EIF5B: variants seen among roughly 807,000 people sequenced by gnomAD.
EIF5B encodes eIF-5B.
Under a neutral mutation model 147.5 loss-of-function variants are expected in EIF5B, and 47 were observed. That is an observed-to-expected ratio of 0.32 (90% CI 0.25 to 0.41). The LOEUF (loss-of-function observed/expected upper bound fraction) is 0.41, where lower values mean the gene tolerates loss of function less well. Among genes scored for constraint, EIF5B ranks in the 10% least tolerant of loss-of-function variants. EIF5B has a pLI of 1.00. For missense variants in EIF5B, 1,064 were observed against 1,413.2 expected, an observed-to-expected ratio of 0.75 and a Z score of 3.96; for synonymous variants, 455 against 456.2, an observed-to-expected ratio of 1.00 and a Z score of 0.03.
chr2:99,396,745 C>A lies in EIF5B; in HGVS notation c.3255-15C>A. On this transcript the variant is annotated splice_polypyrimidine_tract_variant and intron_variant, in intron 21 of 23. Coordinates refer to ENST00000289371, the MANE Select transcript of EIF5B (RefSeq NM_015904.4). ...GATTCTGTAAGCTTAAAATTCTTTT[C>A]TTTTTTCCTTTCAGGCACATAGCAG... 6.3e-7 allele frequency: 1 copy of A among 1,579,262 alleles called. No homozygotes were observed. Among genetic ancestry groups the A allele is most frequent in the Non-Finnish European group, 8.5e-7 (1 of 1,169,746 alleles).
At chr2:99,399,281 C>T in intron 23 of EIF5B, 26 bp from the exon 24 acceptor site, 5 of 1,607,520 alleles carry the variant, frequency 3.1e-6, no homozygotes, top group Non-Finnish European at 4.3e-6. Context: ...GTTCTGTTTA[C>T]CCTGTTTGTG....
chr2:99,395,484 C>T (rs570696697), intron 21 of EIF5B, among the ~76,000 whole-genome samples: 82 of 152,346 alleles, frequency 5.4e-4, no homozygotes, highest in African/African-American at 1.8e-3. Context: ...CAGGCTCACA[C>T]CACTATGCCT....
At position 99,360,670 on chromosome 2, in the gene EIF5B, T is replaced by C. The variant is rs1674190321; in HGVS notation, c.246+121T>C. ...GTGTACAATATGTTATTTAAAAGCTTCTATGAAATCTGATGTCAAAGGGAA... is the reference window on the plus strand; with the variant it reads ...GTGTACAATATGTTATTTAAAAGCTCCTATGAAATCTGATGTCAAAGGGAA... On this transcript the variant is annotated intron_variant, in intron 3 of 23. Transcript: ENST00000289371. 3 of 837,320 alleles carry C rather than the reference T, an allele frequency of 3.6e-6. No individual in the cohort carries two copies. The East Asian group carries it at 8.7e-5, about 24-fold the overall frequency. 51.9% of individuals were successfully genotyped at this position (837,320 alleles called of 1,614,324 possible). A position where few individuals can be genotyped will look rare whatever the true frequency, so the allele number is the denominator to read the frequency against.
intron 17 of EIF5B, among the ~76,000 whole-genome samples, chr2:99,392,641 A>G (rs1674961452): frequency 6.6e-6 from 1 of 152,012 alleles, no homozygotes; most frequent in Admixed American, 6.6e-5. Context: ...TTTATTGGCC[A>G]TTTATTTCCT....
At chr2:99,354,531 ACTT>A (rs1674050509) in intron 1 of EIF5B, among the ~76,000 whole-genome samples, 1 of 151,946 alleles carries the variant, frequency 6.6e-6, no homozygotes, top group African/African-American at 2.4e-5. Flanking sequence ...GATGAGTTCC[ACTT>A]CTTTTGGATT....
chr2:99,396,297 G>A lies in EIF5B; in HGVS notation c.3255-463G>A, dbSNP rs577834747. Among the ~76,000 whole-genome samples, 56 of 152,312 alleles carry A rather than the reference G, an allele frequency of 3.7e-4. No homozygotes were observed. The Middle Eastern group carries it at 0.01, about 28-fold the overall frequency. On this transcript the variant is annotated intron_variant, in intron 21 of 23. Transcript: ENST00000289371. The stretch of plus-strand genomic sequence containing the variant: ...TATGTAGTGGCCTTTTGGATCAATG[G>A]TTTGGGAACGTGGTGGAGAAAAGGA...
rs955603646 is a variant in EIF5B, at chr2:99,399,693, C to T, written c.*279C>T. On this transcript the variant is annotated 3_prime_UTR_variant, in exon 24 of 24. Transcript: ENST00000289371. ...CTTGGCTGCTGTTTTAAAGTTTGCC[C>T]TTCCCCAAATTTGGATTTTTATTAC... The T allele has an allele frequency of 6.1e-6, 2 of 329,340 alleles. No individual in the cohort carries two copies. Among genetic ancestry groups the T allele is most frequent in the Non-Finnish European group, 1.2e-5 (2 of 172,984 alleles). The allele number at this position is 329,340 out of a possible 1,614,324, so 20.4% of individuals were successfully genotyped here.
At chr2:99,369,276 A>G (rs1674391678) in intron 7 of EIF5B, 116 bp from the exon 8 acceptor site, 2 of 696,410 alleles carry the variant, frequency 2.9e-6, no homozygotes, top group Admixed American at 3.7e-5. Flanking sequence ...TCCATTTCAA[A>G]AAAATAAAAA....
At chr2:99,361,866 A>T in intron 4 of EIF5B, 46 bp downstream of exon 4, 2 of 1,476,290 alleles carry the variant, frequency 1.4e-6, no homozygotes, top group Non-Finnish European at 1.8e-6. Flanking sequence ...TTTGATTCAC[A>T]GTATAAGTTG....
At chr2:99,355,439 C>G (rs1350088709) in intron 1 of EIF5B, among the ~76,000 whole-genome samples, 1 of 151,896 alleles carries the variant, frequency 6.6e-6, no homozygotes, top group Non-Finnish European at 1.5e-5. Context: ...CATGTCTCTT[C>G]ACGTAGTCAA....
At chr2:99,374,212 C>G (rs907950216) in intron 9 of EIF5B, among the ~76,000 whole-genome samples, 1 of 151,528 alleles carries the variant, frequency 6.6e-6, no homozygotes, top group African/African-American at 2.4e-5. Context: ...TCGCTTCACC[C>G]TGGGAAGCAG....
chr2:99,394,423 A>G, intron 19 of EIF5B, 25 bp downstream of exon 19: 1 of 1,613,548 alleles, frequency 6.2e-7, no homozygotes, highest in Non-Finnish European at 8.5e-7. Flanking sequence ...CTCGCTCCAC[A>G]AGTGAATGGT....
intron 4 of EIF5B, among the ~76,000 whole-genome samples, chr2:99,362,887 T>C (rs1298846829): frequency 6.6e-6 from 1 of 151,588 alleles, no homozygotes; most frequent in Admixed American, 6.6e-5. Context: ...GCCTCCCAAG[T>C]AGCTGGGATT....
chr2:99,387,860 A>G (rs906386583), intron 14 of EIF5B, among the ~76,000 whole-genome samples: 5 of 152,198 alleles, frequency 3.3e-5, no homozygotes, highest in Non-Finnish European at 7.3e-5. Context: ...TTTTTTAAAT[A>G]GAGACGAGGT....
chr2:99,361,120 AT>A, intron 3 of EIF5B, 27 bp from the exon 4 acceptor site: 1 of 1,469,710 alleles, frequency 6.8e-7, no homozygotes, highest in South Asian at 1.5e-5. Flanking sequence ...AATTCTGTTA[AT>A]TTTTTCTAAC....
At chr2:99,361,946 A>G (rs1674224147) in intron 4 of EIF5B, 126 bp downstream of exon 4, 1 of 807,628 alleles carries the variant, frequency 1.2e-6, no homozygotes, top group Admixed American at 3.5e-5. Context: ...GTAAGGAGCC[A>G]TCTAAAAAAT....
chr2:99,398,438 C>G (rs1675111502), intron 22 of EIF5B: 1 of 227,756 alleles, frequency 4.4e-6, no homozygotes, highest in East Asian at 1.1e-4. Flanking sequence ...GCTGATCCCT[C>G]CTATTACGGC....
At chr2:99,353,005 CTTTTTTTTTTTTTTTTTT>C (rs529053292) in intron 1 of EIF5B, among the ~76,000 whole-genome samples, 1 of 62,850 alleles carries the variant, frequency 1.6e-5, no homozygotes, top group Non-Finnish European at 2.7e-5. Context: ...TCTTCTTCTT[CTTTTTTTTTTTTTTTTTT>C]TTTTTTTTTG....
rs2094267739 is a variant in EIF5B at position 99,344,272 on chromosome 2, G to GTC, written c.35+6683_35+6684insTC. Among the ~76,000 whole-genome samples, 3 of 152,272 alleles carry GTC rather than the reference G, an allele frequency of 2.0e-5. No homozygotes were observed. In the South Asian group the frequency reaches 6.2e-4, roughly 32 times the overall value. On this transcript the variant is annotated intron_variant, in intron 1 of 23. Transcript: ENST00000289371. ...TTGTCCTAATACCATTTGTTGAAGA[G>GTC]AAGATTTCTTTCCCTATTGAAAGGT...
Sources: allele counts gnomAD v4.1 joint callset (sites outside exome capture counted in the v4.1 genomes callset), GRCh38; gene constraint gnomAD v4.1.1; transcripts MANE v1.5; gene names NCBI Gene and HGNC (gene_info 2026-07-23, HGNC 2026-07-21).